Variants in ANKRD35 observed in about 807,000 individuals in gnomAD.
ANKRD35 encodes the protein ankyrin repeat domain-containing protein 35.
ANKRD35 carries 102 observed loss-of-function variants against 109.9 expected under a neutral mutation model. The ratio of observed to expected loss-of-function variants is 0.93; its 90% CI spans 0.79 to 1.09. The LOEUF (loss-of-function observed/expected upper bound fraction) is 1.09. Among genes scored for constraint, ANKRD35 ranks in the 50% least tolerant of loss-of-function variants. The probability of loss-of-function intolerance (pLI) is 0.00; values close to 1 mark genes in which losing one functional copy is unlikely to be tolerated. For missense variants in ANKRD35, 1,240 were observed against 1,230.1 expected, an observed-to-expected ratio of 1.01 and a Z score of -0.12; for synonymous variants, 515 against 512.4, an observed-to-expected ratio of 1.01 and a Z score of -0.07.
chr1:145,873,938 C>G lies in ANKRD35; in HGVS notation c.831G>C (p.Trp277Cys). The G allele has an allele frequency of 6.2e-7, 1 of 1,614,168 alleles. No homozygotes were observed. Among genetic ancestry groups the G allele is most frequent in the Non-Finnish European group, 8.5e-7 (1 of 1,180,046 alleles). ...CTTGCTCCTCTTCAGGCTCTGCTCT[C>G]CATGAGCTCTTAGGAGGAGAACCTG... ...PQAGSPPKSSWRAEPEEEQEE... is the reference protein window; with the variant it reads ...PQAGSPPKSSCRAEPEEEQEE... The change falls in exon 10 of 14, where the codon TGG (tryptophan) becomes TGC (cysteine). Residue 277 changes from tryptophan (W) to cysteine (C), a missense_variant. Trp to Cys is a radical substitution (Grantham distance 215). Coordinates refer to ENST00000355594, the MANE Select transcript of ANKRD35 (RefSeq NM_144698.5).
chr1:145,883,778 A>G (rs1292900691), intron 1 of ANKRD35, among the ~76,000 whole-genome samples: 1 of 152,236 alleles, frequency 6.6e-6, no homozygotes, highest in Non-Finnish European at 1.5e-5. Context: ...GGAATTTATC[A>G]TGAGAAGTGT....
Position 145,872,558 on chromosome 1 carries a change from C to T in ANKRD35, c.2211G>A (p.Val737=). ...CCTGCTGGGCCTCCCGGTGCCGATCCACCAGGGTGCTGATGCAGGCCCGCA... is the reference window on the plus strand; with the variant it reads ...CCTGCTGGGCCTCCCGGTGCCGATCTACCAGGGTGCTGATGCAGGCCCGCA... ...EELRACISTL[V]DRHREAQQVL... Residue 737 remains valine, a synonymous_variant, in exon 10 of 14, where the codon GTG becomes GTA. Coordinates refer to ENST00000355594, the MANE Select transcript of ANKRD35 (RefSeq NM_144698.5). 6.2e-7 allele frequency: 1 copy of T among 1,610,356 alleles called. No homozygotes were observed. Among genetic ancestry groups the T allele is most frequent in the African/African-American group, 1.3e-5 (1 of 74,992 alleles).
rs587730176 is a variant in ANKRD35, at chr1:145,871,228, A to G, written c.2787+754T>C. On this transcript the variant is annotated intron_variant, in intron 10 of 13. Coordinates refer to ENST00000355594, the MANE Select transcript of ANKRD35 (RefSeq NM_144698.5). The stretch of plus-strand genomic sequence containing the variant: ...ACCCAGGCTGGAGTGCAATGGTGCA[A>G]TCTTGGCTCACTGCTACCTCTGCCT... Among the ~76,000 whole-genome samples, 7 of 126,284 alleles carry G rather than the reference A, an allele frequency of 5.5e-5. No individual in the cohort carries two copies. The East Asian group carries it at 1.3e-3, about 23-fold the overall frequency. The allele number at this position is 126,284 out of a possible 152,430, so 82.8% of individuals were successfully genotyped here. A position where few individuals can be genotyped will look rare whatever the true frequency, so the allele number is the denominator to read the frequency against.
At chr1:145,880,678 T>A (rs1654253012) in intron 1 of ANKRD35, among the ~76,000 whole-genome samples, 1 of 152,082 alleles carries the variant, frequency 6.6e-6, no homozygotes, top group South Asian at 2.1e-4. Flanking sequence ...TGAAGAAAAA[T>A]AGGGTCTGTG....
chr1:145,879,377 C>T lies in ANKRD35; in HGVS notation c.51G>A (p.Trp17Ter). The change falls in exon 2 of 14, where the codon TGG becomes TGA. Residue 17 changes from tryptophan to a stop codon, truncating the protein, a stop_gained. Transcript: ENST00000355594. LOFTEE classifies it high-confidence loss of function. The part of the protein sequence containing the change: ...CSSTQVAVER[W>*]NRHDQKLLEA... ...CCAGCAGCTTCTGATCATGGCGGTT[C>T]CATCTCTCCACCTGGTCCAGAGCCA... is the stretch of plus-strand genomic sequence containing the variant. 1 of 1,583,024 alleles carries T rather than the reference C, an allele frequency of 6.3e-7. No homozygotes were observed. The highest frequency in any genetic ancestry group is 8.6e-7 in the Non-Finnish European group (1 of 1,163,656).
In ANKRD35 at chr1:145,873,269, A is replaced by T. The variant is rs781937160; in HGVS notation, c.1500T>A (p.Ala500=). The T allele has an allele frequency of 6.2e-7, 1 of 1,614,120 alleles. No individual in the cohort carries two copies. The highest frequency in any genetic ancestry group is 1.7e-5 in the Admixed American group (1 of 60,018). The change falls in exon 10 of 14, where the codon GCT becomes GCA. Residue 500 remains alanine (A), a synonymous_variant. Coordinates refer to ENST00000355594, the MANE Select transcript of ANKRD35 (RefSeq NM_144698.5). ...CAGCATCCTTTTCTCGCCACACTGC[A>T]GCAAGCTCCTCCCTTAGTTGAAGCA... ...QLLLQLREEL[A]AVWREKDAAR...
chr1:145,879,440 G>T, intron 1 of ANKRD35, 52 bp from the exon 2 acceptor site: 1 of 1,384,460 alleles, frequency 7.2e-7, no homozygotes, highest in Non-Finnish European at 9.5e-7. Flanking sequence ...GTAGTGTGGA[G>T]AAAGAAAAGA....
intron 1 of ANKRD35, among the ~76,000 whole-genome samples, chr1:145,880,268 G>A (rs1654240282): frequency 6.6e-6 from 1 of 152,092 alleles, no homozygotes; most frequent in South Asian, 2.1e-4. Flanking sequence ...AAACACCCAG[G>A]GCTGAAAGTA....
Position 145,872,442 on chromosome 1 carries a change from G to C in ANKRD35, c.2327C>G (p.Ser776Cys). ...EPGTSLKAPA[S>C]PQVAALEQDL... Reference sequence around the variant, plus strand: ...TTGCTCCAGAGCGGCCACTTGGGGGGATGCTGGGGCCTTTAAGGAGGTGCC... The same window carrying C: ...TTGCTCCAGAGCGGCCACTTGGGGGCATGCTGGGGCCTTTAAGGAGGTGCC... The change falls in exon 10 of 14, where the codon TCC becomes TGC. Residue 776 changes from serine to cysteine, a missense_variant. By Grantham distance (112) the Ser-to-Cys change is moderately radical. Transcript: ENST00000355594. The C allele has an allele frequency of 6.2e-7, 1 of 1,610,200 alleles. No individual in the cohort carries two copies. The highest frequency in any genetic ancestry group is 8.5e-7 in the Non-Finnish European group (1 of 1,178,664).
At chr1:145,870,866 A>C (rs146685070) in intron 10 of ANKRD35, among the ~76,000 whole-genome samples, 21 of 152,026 alleles carry the variant, frequency 1.4e-4, no homozygotes, top group African/African-American at 5.1e-4. Flanking sequence ...TTACAGGCAC[A>C]TGCCACCACA....
intron 10 of ANKRD35, among the ~76,000 whole-genome samples, chr1:145,871,637 A>G (rs1255312680): frequency 6.6e-6 from 1 of 152,164 alleles, no homozygotes; most frequent in African/African-American, 2.4e-5. Flanking sequence ...CCATCATGCT[A>G]TTAGGCCTCT....
chr1:145,867,516 T>C lies in ANKRD35; in HGVS notation c.2944-124A>G, dbSNP rs1570790353. On this transcript the variant is annotated intron_variant, in intron 12 of 13. Coordinates refer to ENST00000355594, the MANE Select transcript of ANKRD35 (RefSeq NM_144698.5). The stretch of plus-strand genomic sequence containing the variant: ...TTACTATATACCTTCACTTATAGTA[T>C]TTAACTTCTCCATGGCTTTTTCCCT... 1.2e-5 allele frequency: 9 copies of C among 752,262 alleles called. No homozygotes were observed. In the East Asian group the frequency reaches 2.4e-4, roughly 20 times the overall value. The allele number at this position is 752,262 out of a possible 1,614,324, so 46.6% of individuals were successfully genotyped here.
In ANKRD35 at chr1:145,878,600, AG is replaced by A. The variant is rs1206890807; in HGVS notation, c.171-122del. 2.9e-5 allele frequency: 25 copies of A among 874,180 alleles called. No individual in the cohort carries two copies. In the East Asian group the frequency reaches 4.2e-4, roughly 15 times the overall value. 54.2% of individuals were successfully genotyped at this position (874,180 alleles called of 1,614,324 possible). On this transcript the variant is annotated intron_variant, in intron 2 of 13. Transcript: ENST00000355594. ...CAAAGCCAATCCTAAAAGCAGGAAAAGAAGCTCCCCTAGCTTGAATTTCTGA... is the reference window on the plus strand; with the variant it reads ...CAAAGCCAATCCTAAAAGCAGGAAAAAAGCTCCCCTAGCTTGAATTTCTGA...
rs1654174562 is a variant in ANKRD35 at position 145,878,639 on chromosome 1, T to TG, written c.171-161_171-160insC. ...CTTGAATTTCTGAGAAAGAGAAGTC[T>TG]ATATGGCCTCCAATCACAAAGGATG... On this transcript the variant is annotated intron_variant, in intron 2 of 13. Coordinates refer to ENST00000355594, the MANE Select transcript of ANKRD35 (RefSeq NM_144698.5). 2.6e-5 allele frequency among the ~76,000 whole-genome samples: 4 copies of TG among 152,200 alleles called. No individual in the cohort carries two copies. The South Asian group carries it at 8.3e-4, about 31-fold the overall frequency.
chr1:145,872,409 C>T lies in ANKRD35; in HGVS notation c.2360G>A (p.Gly787Glu). Residue 787 changes from glycine to glutamate, a missense_variant, in exon 10 of 14, where the codon GGG becomes GAG. Transcript: ENST00000355594. ...TGCCCGCAGCTCTTCCTCCAGCTTC[C>T]CCAGGTCTTGCTCCAGAGCGGCCAC... The part of the protein sequence containing the change: ...PQVAALEQDL[G>E]KLEEELRAVQ... 6.2e-7 allele frequency: 1 copy of T among 1,613,322 alleles called. No individual in the cohort carries two copies. The highest frequency in any genetic ancestry group is 8.5e-7 in the Non-Finnish European group (1 of 1,179,886).
intron 3 of ANKRD35, 70 bp from the exon 4 acceptor site, chr1:145,878,102 G>A (rs938015865): frequency 1.5e-6 from 2 of 1,361,876 alleles, no homozygotes; most frequent in African/African-American, 1.4e-5. Flanking sequence ...AGGGAGGGAA[G>A]GCAAGAGACG....
chr1:145,869,251 C>T (rs1653720216), intron 10 of ANKRD35, among the ~76,000 whole-genome samples: 1 of 152,142 alleles, frequency 6.6e-6, no homozygotes, highest in South Asian at 2.1e-4. Context: ...GTGACACCAT[C>T]TGCTCACTGC....
Position 145,873,904 on chromosome 1 carries a change from CCTT to C in ANKRD35, c.862_864del (p.Lys288del), listed in dbSNP as rs782200065. 40 of 1,614,136 alleles carry C rather than the reference CCTT, an allele frequency of 2.5e-5. No homozygotes were observed. Among genetic ancestry groups the C allele is most frequent in the Non-Finnish European group, 3.1e-5 (36 of 1,180,048 alleles). ...TCCTCCGAGCACGGGTCTTCATCCTCCTTCTCCTCTTGCTCCTCTTCAGGCTCT... is the reference window on the plus strand; with the variant it reads ...TCCTCCGAGCACGGGTCTTCATCCTCCTCCTCTTGCTCCTCTTCAGGCTCT... On this transcript the variant is annotated inframe_deletion, in exon 10 of 14. Coordinates refer to ENST00000355594, the MANE Select transcript of ANKRD35 (RefSeq NM_144698.5).
intron 7 of ANKRD35, among the ~76,000 whole-genome samples, chr1:145,875,307 G>T (rs112570740): frequency 0.022 from 3,342 of 151,634 alleles, 65 homozygotes; most frequent in Non-Finnish European, 0.033. Context: ...CACCACACCC[G>T]GCTAATTTTG....
Sources: allele counts gnomAD v4.1 joint callset (sites outside exome capture counted in the v4.1 genomes callset), GRCh38; gene constraint gnomAD v4.1.1; transcripts MANE v1.5; gene names NCBI Gene and HGNC (gene_info 2026-07-23, HGNC 2026-07-21).